RNF14: variants seen among roughly 807,000 people sequenced by gnomAD.
The protein encoded by RNF14 is E3 ubiquitin-protein ligase RNF14.
RNF14 carries 26 observed loss-of-function variants against 52.6 expected under a neutral mutation model. The observed-to-expected ratio is 0.49, with a 90% CI of 0.36 to 0.69. The LOEUF is 0.69. Ranked by LOEUF, RNF14 falls within the 30% of genes least tolerant of loss-of-function variation. The pLI is 0.00. For synonymous variants in RNF14, 194 were observed against 202.0 expected (o/e 0.96, Z 0.34); for missense variants, 404 against 560.4 (o/e 0.72, Z 2.82).
the RNF14 span, chr5:141,951,380 C>T: frequency 2.5e-6 from 2 of 784,418 alleles, no homozygotes; most frequent in Admixed American, 2.0e-5. Flanking sequence ...CTGCACCCTC[C>T]CAGGGGACCG....
chr5:141,970,411 A>G (rs7723891), intron 1 of RNF14, among the ~76,000 whole-genome samples: 1 of 152,122 alleles, frequency 6.6e-6, no homozygotes, highest in Non-Finnish European at 1.5e-5. Context: ...AACTGAAGAG[A>G]TTGTTTGTTA....
chr5:141,988,741 A>G lies in RNF14; in HGVS notation c.*951A>G, dbSNP rs1370681187. 3.9e-5 allele frequency: 6 copies of G among 152,454 alleles called. No individual in the cohort carries two copies. In the East Asian group the frequency reaches 9.4e-4, roughly 24 times the overall value. 9.4% of individuals were successfully genotyped at this position (152,454 alleles called of 1,614,324 possible). A position where few individuals can be genotyped will look rare whatever the true frequency, so the allele number is the denominator to read the frequency against. ...GAATTATATCTGCATTTACCACTGT[A>G]TATGCATATAGTGACAGTATAACCT... On this transcript the variant is annotated 3_prime_UTR_variant, in exon 9 of 9. Transcript: ENST00000394520.
chr5:141,959,499 C>T (rs560711149), intron 1 of RNF14, among the ~76,000 whole-genome samples: 10 of 152,298 alleles, frequency 6.6e-5, no homozygotes, highest in African/African-American at 2.2e-4. Context: ...GCTCATGAAG[C>T]ATTTGAGGTG....
chr5:141,955,943 T>C (rs1488208370), upstream of RNF14: 2 of 1,614,202 alleles, frequency 1.2e-6, no homozygotes, highest in South Asian at 1.1e-5. This position sits in a 1 kb window ranked among gnomAD's most constrained non-coding sequence, Gnocchi z 5.5. Flanking sequence ...CTGCGGATGC[T>C]GTAGAGGGGC....
intron 1 of RNF14, among the ~76,000 whole-genome samples, chr5:141,961,550 G>A (rs1332514454): frequency 6.6e-6 from 1 of 152,156 alleles, no homozygotes; most frequent in Non-Finnish European, 1.5e-5. Context: ...CCTGAGTTTT[G>A]AAAATAGGTT....
At chr5:141,975,000 A>G in intron 4 of RNF14, 45 bp downstream of exon 4, 1 of 1,577,616 alleles carries the variant, frequency 6.3e-7, no homozygotes. Flanking sequence ...TTAGAAACTT[A>G]AAAATCACCT....
chr5:141,959,954 A>AT (rs1457679307), intron 1 of RNF14, among the ~76,000 whole-genome samples: 2 of 152,208 alleles, frequency 1.3e-5, no homozygotes, highest in African/African-American at 4.8e-5. Context: ...CACTCAGCAC[A>AT]TAAGGACTAT....
rs1324142260 is a variant in RNF14, at chr5:141,989,783, GAA to G, written c.*1994_*1995del. Reference sequence around the variant, plus strand: ...GATTTGTTCTACAGTATATACCTGAGAAGAGTGATTTCTGTGATCAAAGAGTT... The same window carrying G: ...GATTTGTTCTACAGTATATACCTGAGGAGTGATTTCTGTGATCAAAGAGTT... On this transcript the variant is annotated 3_prime_UTR_variant, in exon 9 of 9. Transcript: ENST00000394520. The G allele has an allele frequency of 3.9e-5, 6 of 152,004 alleles. No individual in the cohort carries two copies. Among genetic ancestry groups the G allele is most frequent in the African/African-American group, 1.4e-4 (6 of 41,384 alleles). The allele number at this position is 152,004 out of a possible 1,614,324, so 9.4% of individuals were successfully genotyped here.
upstream of RNF14, among the ~76,000 whole-genome samples, chr5:141,964,656 C>G (rs1030517022): frequency 1.1e-4 from 17 of 152,058 alleles, no homozygotes; most frequent in Non-Finnish European, 2.1e-4. Flanking sequence ...TTCTGTTGCC[C>G]AGGCTGGAGT....
Position 141,978,335 on chromosome 5 carries a change from A to T in RNF14, c.339A>T (p.Leu113=). The T allele has an allele frequency of 6.2e-7, 1 of 1,611,612 alleles. No homozygotes were observed. The highest frequency in any genetic ancestry group is 8.5e-7 in the Non-Finnish European group (1 of 1,178,428). The change falls in exon 5 of 9, where the codon CTA becomes CTT. Residue 113 remains leucine, a synonymous_variant. Transcript: ENST00000394520. The part of the protein sequence containing the change: ...LSALCKHLDN[L]WEEHRGSVVL... ...CTCTATGCAAGCACTTAGACAACCT[A>T]TGGGAAGAACACCGTGGCAGCGTGG...
upstream of RNF14, chr5:141,955,104 G>A: frequency 6.2e-7 from 1 of 1,614,242 alleles, no homozygotes; most frequent in Non-Finnish European, 8.5e-7. This position sits in a 1 kb window ranked among gnomAD's most constrained non-coding sequence, Gnocchi z 5.5. Flanking sequence ...CTTTGCCATT[G>A]AGATGTCGCT....
Position 141,978,479 on chromosome 5 carries a change from T to C in RNF14, c.483T>C (p.Ala161=). The change falls in exon 5 of 9, where the codon GCT becomes GCC. Residue 161 remains alanine, a synonymous_variant. Coordinates refer to ENST00000394520, the MANE Select transcript of RNF14 (RefSeq NM_004290.5). ...QKKVQRRTAQ[A]SPNTELDFGG... Reference sequence around the variant, plus strand: ...AAGTGCAGAGAAGGACAGCTCAAGCTTCTCCCAACACAGAGCTAGATTTTG... The same window carrying C: ...AAGTGCAGAGAAGGACAGCTCAAGCCTCTCCCAACACAGAGCTAGATTTTG... 6.2e-7 allele frequency: 1 copy of C among 1,614,192 alleles called. No individual in the cohort carries two copies.
At chr5:141,974,704 C>T in intron 3 of RNF14, 100 bp from the exon 4 acceptor site, 2 of 1,136,924 alleles carry the variant, frequency 1.8e-6, no homozygotes, top group Non-Finnish European at 2.5e-6. Flanking sequence ...GTTTTTATTC[C>T]CTCAACTAAA....
At chr5:141,962,898 G>T (rs1278590856), upstream of RNF14, among the ~76,000 whole-genome samples, 1 of 152,034 alleles carries the variant, frequency 6.6e-6, no homozygotes, top group Non-Finnish European at 1.5e-5. Context: ...TATATTCTGG[G>T]TGATTCCGAC....
chr5:141,962,687 C>T (rs1181612519), upstream of RNF14, among the ~76,000 whole-genome samples: 1 of 152,074 alleles, frequency 6.6e-6, no homozygotes, highest in Non-Finnish European at 1.5e-5. Context: ...AAATTATAGA[C>T]CTCCTTCATG....
chr5:141,982,444 C>T (rs1754868915), intron 6 of RNF14, among the ~76,000 whole-genome samples: 1 of 152,122 alleles, frequency 6.6e-6, no homozygotes, highest in African/African-American at 2.4e-5. Context: ...CAGAAGATGT[C>T]TTTTGCTTTA....
chr5:141,987,922 G>A lies in RNF14; in HGVS notation c.*132G>A, dbSNP rs916833636. 9 of 825,344 alleles carry A rather than the reference G, an allele frequency of 1.1e-5. No individual in the cohort carries two copies. The highest frequency in any genetic ancestry group is 1.8e-5 in the Non-Finnish European group (9 of 504,572). The allele number at this position is 825,344 out of a possible 1,614,324, so 51.1% of individuals were successfully genotyped here. On this transcript the variant is annotated 3_prime_UTR_variant, in exon 9 of 9. Coordinates refer to ENST00000394520, the MANE Select transcript of RNF14 (RefSeq NM_004290.5). ...TGCGTAGAAGATATGGAAGAACGAG[G>A]TTTATATTTTCATGTGGTACTACTG...
At chr5:141,953,761 G>A (rs1753128205), upstream of RNF14, among the ~76,000 whole-genome samples, 1 of 152,198 alleles carries the variant, frequency 6.6e-6, no homozygotes, top group East Asian at 1.9e-4. Flanking sequence ...GCAGCCTCTG[G>A]GTCTGCACCG....
chr5:141,956,472 A>G, upstream of RNF14: 2 of 1,614,158 alleles, frequency 1.2e-6, no homozygotes, highest in Non-Finnish European at 1.7e-6. Flanking sequence ...TGCTTTTCTC[A>G]AACACAGGTG....
Sources: gnomAD v4.1 joint callset for allele counts (sites outside exome capture counted in the v4.1 genomes callset) on GRCh38, gnomAD v4.1.1 for gene constraint, Gnocchi (gnomAD v3.1) non-coding constraint, MANE v1.5 for transcripts, NCBI Gene and HGNC (gene_info 2026-07-23, HGNC 2026-07-21) for gene names.